PDE9A: variants seen among roughly 807,000 people sequenced by gnomAD.
PDE9A encodes high affinity cGMP-specific 3',5'-cyclic phosphodiesterase 9A.
In PDE9A, 60 loss-of-function variants were observed where a neutral mutation model predicts 87.4. That is an observed-to-expected ratio of 0.69 (90% CI 0.56 to 0.85). PDE9A has a LOEUF of 0.85. Among genes scored for constraint, PDE9A ranks in the 40% least tolerant of loss-of-function variants. The pLI is 0.00. For missense variants in PDE9A, 665 were observed against 779.0 expected (o/e 0.85, Z 1.74); for synonymous variants, 272 against 279.4 (o/e 0.97, Z 0.27).
intron 7 of PDE9A, among the ~76,000 whole-genome samples, chr21:42,737,047 T>C (rs899607705): frequency 2.0e-5 from 3 of 152,198 alleles, no homozygotes; most frequent in Admixed American, 2.0e-4. Flanking sequence ...AAAGTCCTTT[T>C]GAGGAGAGGG....
chr21:42,727,144 C>T (rs1396663601), intron 4 of PDE9A, among the ~76,000 whole-genome samples: 1 of 148,302 alleles, frequency 6.7e-6, no homozygotes, highest in African/African-American at 2.5e-5. Flanking sequence ...ACTTGTTTAC[C>T]TATGTGGGGA....
At chr21:42,663,296 CACAT>C (rs1444438405) in intron 1 of PDE9A, among the ~76,000 whole-genome samples, 4 of 151,140 alleles carry the variant, frequency 2.6e-5, no homozygotes, top group African/African-American at 4.9e-5. Context: ...GCACATCACA[CACAT>C]ACATACACAC....
In PDE9A at chr21:42,696,192, T is replaced by C. The variant is rs2060131203; in HGVS notation, c.219-2776T>C. On this transcript the variant is annotated intron_variant, in intron 3 of 19. Coordinates refer to ENST00000291539, the MANE Select transcript of PDE9A (RefSeq NM_002606.3). This position sits in a 1 kb window ranked among gnomAD's most constrained non-coding sequence, Gnocchi z 5.1. ...TGAGGGGAAGTTGTCTTGGTAAGCC[T>C]GTTTTTGTGTCAGGTCCCCAGGACA... 6.6e-6 allele frequency among the ~76,000 whole-genome samples: 1 copy of C among 152,128 alleles called. No individual in the cohort carries two copies. Among genetic ancestry groups the C allele is most frequent in the African/African-American group, 2.4e-5 (1 of 41,430 alleles).
rs1238255160 is a variant in PDE9A, at chr21:42,705,440, G to A, written c.262+6429G>A. 1.3e-5 allele frequency among the ~76,000 whole-genome samples: 2 copies of A among 152,108 alleles called. No individual in the cohort carries two copies. The highest frequency in any genetic ancestry group is 1.9e-4 in the East Asian group (1 of 5,182). ...TGACGGGTGTCCCCCGAGTGCCCTC[G>A]GCTGCCAGGAGCTGGCAGGGGAGAT... On this transcript the variant is annotated intron_variant, in intron 4 of 19. Coordinates refer to ENST00000291539, the MANE Select transcript of PDE9A (RefSeq NM_002606.3). This position sits in a 1 kb window ranked among gnomAD's most constrained non-coding sequence, Gnocchi z 4.3.
intron 9 of PDE9A, 112 bp from the exon 10 acceptor site, chr21:42,753,878 A>AT: frequency 3.6e-6 from 2 of 549,798 alleles, no homozygotes; most frequent in Non-Finnish European, 3.2e-6. Context: ...AAAAAAAAAA[A>AT]GAAAGAAAGA....
At position 42,692,676 on chromosome 21, in the gene PDE9A, G is replaced by A. The variant is rs1448771800; in HGVS notation, c.218+4682G>A. ...GGCTGGCCCGGGACACGCCACTGAT[G>A]CTCTTCTGACCCAGGGGCTTTTCTC... On this transcript the variant is annotated intron_variant, in intron 3 of 19. Transcript: ENST00000291539. The surrounding 1 kb of genome is among the most constrained non-coding windows in gnomAD (Gnocchi z 4.3). 6.6e-6 allele frequency among the ~76,000 whole-genome samples: 1 copy of A among 152,140 alleles called. No homozygotes were observed. Among genetic ancestry groups the A allele is most frequent in the African/African-American group, 2.4e-5 (1 of 41,430 alleles).
chr21:42,659,138 A>T lies in PDE9A; in HGVS notation c.69+5255A>T, dbSNP rs553518274. On this transcript the variant is annotated intron_variant, in intron 1 of 19. Transcript: ENST00000291539. This position sits in a 1 kb window ranked among gnomAD's most constrained non-coding sequence, Gnocchi z 4.1. The stretch of plus-strand genomic sequence containing the variant: ...AGGAAACTGGGCCCTTCCCAATTTT[A>T]GCCCAAGGGTGCCGAAAAGTCAGGG... 6.6e-6 allele frequency among the ~76,000 whole-genome samples: 1 copy of T among 152,292 alleles called. No individual in the cohort carries two copies. Among genetic ancestry groups the T allele is most frequent in the African/African-American group, 2.4e-5 (1 of 41,556 alleles).
intron 1 of PDE9A, 29 bp from the exon 2 acceptor site, chr21:42,686,163 T>A (rs942032693): frequency 1.3e-6 from 2 of 1,596,206 alleles, no homozygotes; most frequent in Non-Finnish European, 1.7e-6. Context: ...CCGCCCTCGC[T>A]GCCGCCTCAC....
chr21:42,698,863 A>T, intron 3 of PDE9A, 105 bp from the exon 4 acceptor site: 1 of 654,820 alleles, frequency 1.5e-6, no homozygotes, highest in African/African-American at 1.9e-5. Flanking sequence ...AAAAAGAACC[A>T]CCTAATCCGC....
chr21:42,653,642 G>A lies in PDE9A; in HGVS notation c.-173G>A, dbSNP rs113494207. 69,801 of 149,292 alleles carry A rather than the reference G, an allele frequency of 0.47. 19,620 individuals are homozygous for A. The highest frequency in any genetic ancestry group is 0.6 in the Non-Finnish European group (42,217 of 70,282). The allele number at this position is 149,292 out of a possible 1,614,324, so 9.2% of individuals were successfully genotyped here. ...AGCCGAGCGGAGGAGACCCTGCGGC[G>A]CGCGGCGGCGGCTCCCGGGCGTCCC... On this transcript the variant is annotated 5_prime_UTR_variant, in exon 1 of 20. Coordinates refer to ENST00000291539, the MANE Select transcript of PDE9A (RefSeq NM_002606.3).
At chr21:42,768,371 C>T (rs899466246) in intron 16 of PDE9A, 79 bp downstream of exon 16, 79 of 1,112,358 alleles carry the variant, frequency 7.1e-5, no homozygotes, top group Non-Finnish European at 8.3e-5. Flanking sequence ...TAAACGAGCA[C>T]GCCTGGGTGG....
intron 15 of PDE9A, 174 bp downstream of exon 15, chr21:42,765,668 C>T: frequency 3.2e-6 from 2 of 623,794 alleles, no homozygotes; most frequent in Non-Finnish European, 2.9e-6. Flanking sequence ...CCGGGCAGGG[C>T]CTCCCTCCTG....
At chr21:42,761,429 G>A (rs1005334875) in intron 13 of PDE9A, among the ~76,000 whole-genome samples, 5 of 152,372 alleles carry the variant, frequency 3.3e-5, no homozygotes, top group East Asian at 1.9e-4. Flanking sequence ...AGGACAGACC[G>A]TTGCTCCACT....
intron 1 of PDE9A, among the ~76,000 whole-genome samples, chr21:42,676,028 AAGG>A: frequency 6.6e-6 from 1 of 152,054 alleles, no homozygotes; most frequent in East Asian, 1.9e-4. Flanking sequence ...GTGAAGGTAG[AAGG>A]CATCTCCTCT....
At chr21:42,771,699 G>A (rs920844247) in intron 18 of PDE9A, among the ~76,000 whole-genome samples, 20 of 152,224 alleles carry the variant, frequency 1.3e-4, no homozygotes, top group African/African-American at 4.6e-4. Context: ...TTTTCCAGGC[G>A]TAGCCTTGGG....
intron 4 of PDE9A, among the ~76,000 whole-genome samples, chr21:42,720,289 T>A (rs183105978): frequency 6.2e-4 from 94 of 151,986 alleles, no homozygotes; most frequent in African/African-American, 2.1e-3. Context: ...AGGTTGGGAG[T>A]TCGAGACCAG....
intron 17 of PDE9A, 143 bp downstream of exon 17, chr21:42,769,298 C>G (rs2056696843): frequency 1.5e-6 from 1 of 679,860 alleles, no homozygotes; most frequent in Non-Finnish European, 2.5e-6. Flanking sequence ...CACACAGACG[C>G]ACATACAGGC....
At chr21:42,661,839 T>C (rs1441832900) in intron 1 of PDE9A, among the ~76,000 whole-genome samples, 1 of 152,202 alleles carries the variant, frequency 6.6e-6, no homozygotes, top group Non-Finnish European at 1.5e-5. Flanking sequence ...TGGTGTAGCC[T>C]GTGTACAGCC....
chr21:42,669,806 G>A (rs553387966), intron 1 of PDE9A, among the ~76,000 whole-genome samples: 1 of 152,122 alleles, frequency 6.6e-6, no homozygotes. Context: ...TGCTCAGCAC[G>A]GAATGAAGAG....
Sources: allele counts gnomAD v4.1 joint callset (sites outside exome capture counted in the v4.1 genomes callset), GRCh38; gene constraint gnomAD v4.1.1; non-coding constraint Gnocchi (gnomAD v3.1); transcripts MANE v1.5; gene names NCBI Gene and HGNC (gene_info 2026-07-23, HGNC 2026-07-21).